KLHL13: variants seen among roughly 807,000 people sequenced by gnomAD.
The protein encoded by KLHL13 is kelch-like protein 13.
Under a neutral mutation model 37.1 loss-of-function variants are expected in KLHL13, and 10 were observed. That is an observed-to-expected ratio of 0.27 (90% confidence interval 0.17 to 0.46). KLHL13 has a LOEUF of 0.46. Among genes scored for constraint, KLHL13 ranks in the 20% least tolerant of loss-of-function variants. The probability of loss-of-function intolerance (pLI) is 1.00; values close to 1 mark genes in which losing one functional copy is unlikely to be tolerated. For missense variants in KLHL13, 360 were observed against 509.3 expected (o/e 0.71, Z 2.82); for synonymous variants, 163 against 181.2 (o/e 0.90, Z 0.81).
intron 1 of KLHL13, among the ~76,000 whole-genome samples, chrX:118,073,505 A>G (rs1464253155): frequency 9.0e-6 from 1 of 111,366 alleles, no homozygotes; most frequent in African/African-American, 3.3e-5. Flanking sequence ...CAGCCAAACC[A>G]TATCATCCCC....
intron 1 of KLHL13, among the ~76,000 whole-genome samples, chrX:118,083,246 GTA>G (rs1448432899): frequency 9.0e-6 from 1 of 111,451 alleles, no homozygotes; most frequent in African/African-American, 3.3e-5. Flanking sequence ...ACAATTCCAA[GTA>G]TATATATGTA....
At chrX:117,937,461 G>A (rs1030333112) in intron 2 of KLHL13, among the ~76,000 whole-genome samples, 2 of 111,726 alleles carry the variant, frequency 1.8e-5, no homozygotes, top group African/African-American at 6.5e-5. Flanking sequence ...AGGCATGGCA[G>A]AGCTAAGGGC....
At chrX:118,089,626 GAA>G (rs777081582) in intron 1 of KLHL13, among the ~76,000 whole-genome samples, 2,479 of 82,394 alleles carry the variant, frequency 0.03, 43 homozygotes, top group East Asian at 0.051. Flanking sequence ...GAAAGAGAAA[GAA>G]AGAAAGAAAG....
chrX:118,070,396 T>C (rs894535284), intron 1 of KLHL13, among the ~76,000 whole-genome samples: 1 of 112,503 alleles, frequency 8.9e-6, no homozygotes, highest in African/African-American at 3.2e-5. Context: ...TCAATATCCA[T>C]ACATGGCTAT....
At chrX:118,010,986 T>A in intron 1 of KLHL13, among the ~76,000 whole-genome samples, 1 of 109,782 alleles carries the variant, frequency 9.1e-6, no homozygotes, top group Middle Eastern at 4.7e-3. Flanking sequence ...GGTGGGAGAA[T>A]CACCTGAGCC....
intron 1 of KLHL13, among the ~76,000 whole-genome samples, chrX:118,096,267 A>T (rs191928809): frequency 1.4e-4 from 16 of 111,846 alleles, no homozygotes; most frequent in African/African-American, 4.5e-4. Flanking sequence ...ATCCCACAGA[A>T]ATACAAACTA....
rs866316831 is a variant in KLHL13, at chrX:118,053,802, A to T, written c.-56+62706T>A. 3.5e-3 allele frequency among the ~76,000 whole-genome samples: 187 copies of T among 53,534 alleles called. 2 individuals are homozygous for T. The highest frequency in any genetic ancestry group is 0.017 in the African/African-American group (169 of 9,844). 46.5% of individuals were successfully genotyped at this position (53,534 alleles called of 115,157 possible). A position where few individuals can be genotyped will look rare whatever the true frequency, so the allele number is the denominator to read the frequency against. On this transcript the variant is annotated intron_variant, in intron 1 of 6. Coordinates refer to the KLHL13 transcript ENST00000371882. Reference sequence around the variant, plus strand: ...GTGTGTGTGTGTGTGTGTGTGTGAGAGAGAGAGAGAGAGAGAGGAGAGGAG... The same window carrying T: ...GTGTGTGTGTGTGTGTGTGTGTGAGTGAGAGAGAGAGAGAGAGGAGAGGAG...
intron 4 of KLHL13, among the ~76,000 whole-genome samples, chrX:117,916,680 T>C (rs1458783679): frequency 1.8e-5 from 2 of 112,207 alleles, no homozygotes; most frequent in Non-Finnish European, 3.8e-5. Flanking sequence ...ATTCACACTT[T>C]ACGTACCACT....
chrX:117,922,504 T>G, intron 2 of KLHL13, among the ~76,000 whole-genome samples: 1 of 112,020 alleles, frequency 8.9e-6, no homozygotes, highest in South Asian at 3.7e-4. Context: ...CTGGTAACTT[T>G]AAAGCCATGT....
intron 2 of KLHL13, among the ~76,000 whole-genome samples, chrX:117,936,228 C>T (rs1932758746): frequency 9.0e-6 from 1 of 111,628 alleles, no homozygotes; most frequent in Non-Finnish European, 1.9e-5. Flanking sequence ...CTTAAGCTAA[C>T]CTTAGTTAAT....
chrX:117,941,981 TTC>T (rs970778823), intron 2 of KLHL13, among the ~76,000 whole-genome samples: 1 of 112,248 alleles, frequency 8.9e-6, no homozygotes, highest in African/African-American at 3.2e-5. Context: ...TGCTATAAAT[TTC>T]TCTCTAAACA....
intron 1 of KLHL13, among the ~76,000 whole-genome samples, 196 bp from the exon 2 acceptor site, chrX:118,028,693 T>C (rs1191614624): frequency 8.9e-6 from 1 of 112,217 alleles, no homozygotes; most frequent in South Asian, 3.7e-4. Flanking sequence ...AGTAAAAATA[T>C]CTATGAAATT....
chrX:118,084,862 C>T (rs1163545445), intron 1 of KLHL13, among the ~76,000 whole-genome samples: 17 of 109,792 alleles, frequency 1.5e-4, no homozygotes, highest in African/African-American at 4.7e-4. Context: ...CCCCATTCTA[C>T]AAAAATAGAA....
chrX:118,030,214 T>C lies in KLHL13; in HGVS notation c.-55-84639A>G, dbSNP rs150717008. ...ACAATCATTTTTCTGCTTATAATTC[T>C]GTTATTACAAGTAAAGAAACTGAGT... On this transcript the variant is annotated intron_variant, in intron 1 of 6. Coordinates refer to the KLHL13 transcript ENST00000371882. Among the ~76,000 whole-genome samples the C allele has an allele frequency of 7.8e-3, 869 of 111,850 alleles. 7 individuals are homozygous for C. Among genetic ancestry groups the C allele is most frequent in the African/African-American group, 0.027 (834 of 30,823 alleles).
At chrX:117,983,908 A>T (rs2053694571) in intron 1 of KLHL13, among the ~76,000 whole-genome samples, 1 of 111,454 alleles carries the variant, frequency 9.0e-6, no homozygotes, top group Non-Finnish European at 1.9e-5. Flanking sequence ...CCCTTGGAAT[A>T]ATTTGCCATT....
chrX:118,070,650 T>G (rs764440667), intron 1 of KLHL13, among the ~76,000 whole-genome samples: 3 of 111,591 alleles, frequency 2.7e-5, no homozygotes, highest in African/African-American at 9.7e-5. Context: ...GATTTTTTTT[T>G]GTCTGCTTGT....
At chrX:118,015,671 A>C (rs2054119875) in intron 1 of KLHL13, among the ~76,000 whole-genome samples, 1 of 111,435 alleles carries the variant, frequency 9.0e-6, no homozygotes, top group South Asian at 3.7e-4. Context: ...CAACATTACT[A>C]ACAAGCCCAT....
exon 4 of KLHL13, chrX:117,919,571 G>A (rs1461003477): frequency 1.2e-5 from 14 of 1,210,627 alleles, no homozygotes; most frequent in Non-Finnish European, 1.6e-5. Context: ...AGAATCTGTA[G>A]GAAACTGGCA....
chrX:118,099,094 A>T (rs995323212), intron 1 of KLHL13, among the ~76,000 whole-genome samples: 2 of 108,080 alleles, frequency 1.9e-5, no homozygotes, highest in Non-Finnish European at 3.8e-5. Context: ...ATGTACTCTA[A>T]AACTTAAAGT....
Sources: gnomAD v4.1 joint callset for allele counts (sites outside exome capture counted in the v4.1 genomes callset) on GRCh38, gnomAD v4.1.1 for gene constraint, MANE v1.5 for transcripts, NCBI Gene and HGNC (gene_info 2026-07-23, HGNC 2026-07-21) for gene names.